Variants in CAD observed in about 807,000 individuals in gnomAD.
CAD encodes carbamoyl-phosphate synthetase 2, aspartate transcarbamylase, and dihydroorotase.
In CAD, 81 loss-of-function variants were observed where a neutral mutation model predicts 237.2. That is an observed-to-expected ratio of 0.34 (90% confidence interval 0.29 to 0.41). The LOEUF (loss-of-function observed/expected upper bound fraction) is 0.41. Among genes scored for constraint, CAD ranks in the 10% least tolerant of loss-of-function variants. The pLI is 1.00. For synonymous variants in CAD, 1,196 were observed against 1,162.8 expected (o/e 1.03, Z -0.58); for missense variants, 2,181 against 2,951.7 (o/e 0.74, Z 6.05).
In CAD at chr2:27,229,333, A is replaced by T. The variant is rs138053715; in HGVS notation, c.2288-2135A>T. 8.5e-5 allele frequency among the ~76,000 whole-genome samples: 13 copies of T among 152,074 alleles called. No individual in the cohort carries two copies. In the East Asian group the frequency reaches 2.5e-3, roughly 29 times the overall value. On this transcript the variant is annotated intron_variant, in intron 15 of 43. Coordinates refer to ENST00000264705, the MANE Select transcript of CAD (RefSeq NM_004341.5). ...ACCCAGGGTGGAGTGCAATGGTGTG[A>T]CTTAGCTCACTGCAGCTTGGATCTT...
intron 2 of CAD, among the ~76,000 whole-genome samples, chr2:27,219,670 A>G (rs1675058754): frequency 1.3e-5 from 2 of 150,796 alleles, no homozygotes; most frequent in South Asian, 2.1e-4. Context: ...GCTCACTGCA[A>G]CCTCCGCCTC....
chr2:27,222,801 G>T (rs78264879), intron 5 of CAD, 65 bp from the exon 6 acceptor site: 117 of 1,582,900 alleles, frequency 7.4e-5, no homozygotes, highest in African/African-American at 2.7e-4. Flanking sequence ...GGGCTGGGGG[G>T]GCTGCAGGTG....
rs753980659 is a variant in CAD, at chr2:27,224,765, G to A, written c.1275G>A (p.Glu425=). Residue 425 remains glutamate (E), a synonymous_variant, in exon 10 of 44, where the codon GAG becomes GAA. Coordinates refer to ENST00000264705, the MANE Select transcript of CAD (RefSeq NM_004341.5). ...TTTAGGCAATTAAGGCCCTGAAGGAGGAAAACATCCAGACGTTGCTGATCA... is the reference window on the plus strand; with the variant it reads ...TTTAGGCAATTAAGGCCCTGAAGGAAGAAAACATCCAGACGTTGCTGATCA... ...SGSQAIKALK[E]ENIQTLLINP... is the part of the protein sequence containing the mutation. The A allele has an allele frequency of 6.2e-7, 1 of 1,614,196 alleles. No homozygotes were observed. Among genetic ancestry groups the A allele is most frequent in the South Asian group, 1.1e-5 (1 of 91,076 alleles).
Position 27,234,538 on chromosome 2 carries a change from T to G in CAD, c.3639T>G (p.Ile1213Met). ...CCCAGGATGACCAGCTGAAAGTTAT[T>G]GAATGCAACGTACGTGTCTCTCGCT... ...LIAKDDQLKV[I>M]ECNVRVSRSF... The change falls in exon 23 of 44, where the codon ATT becomes ATG. Residue 1213 changes from isoleucine (I) to methionine (M), a missense_variant. Transcript: ENST00000264705. 6.2e-7 allele frequency: 1 copy of G among 1,613,980 alleles called. No individual in the cohort carries two copies. The highest frequency in any genetic ancestry group is 1.1e-5 in the South Asian group (1 of 91,066).
chr2:27,232,506 C>A lies in CAD; in HGVS notation c.2704C>A (p.Gln902Lys), dbSNP rs777839556. 5 of 1,614,214 alleles carry A rather than the reference C, an allele frequency of 3.1e-6. No homozygotes were observed. The South Asian group carries it at 5.5e-5, about 18-fold the overall frequency. ...QELGICPAVK[Q>K]IDTVAAEWPA... Reference sequence around the variant, plus strand: ...ACTGGGGATCTGTCCAGCAGTGAAACAGATTGACACAGTTGCAGCTGAGTG... The same window carrying A: ...ACTGGGGATCTGTCCAGCAGTGAAAAAGATTGACACAGTTGCAGCTGAGTG... Residue 902 changes from glutamine to lysine, a missense_variant, in exon 18 of 44, where the codon CAG becomes AAG. By Grantham distance (53) the Gln-to-Lys change is moderately conservative. This residue lies in a region of CAD where 385 missense variants were observed against 535.1 expected (regional missense o/e 0.72). Transcript: ENST00000264705. The surrounding 1 kb of genome is among the most constrained non-coding windows in gnomAD (Gnocchi z 4.1).
At position 27,226,118 on chromosome 2, in the gene CAD, C is replaced by T. The variant is rs1390607640; in HGVS notation, c.1843-13C>T. On this transcript the variant is annotated splice_polypyrimidine_tract_variant and intron_variant, in intron 12 of 43. Coordinates refer to ENST00000264705, the MANE Select transcript of CAD (RefSeq NM_004341.5). ...CTGCTTGGCAGTGACCTCCATGGCA[C>T]CCCCCTTCACAGGTGTGTAACATGG... is the stretch of plus-strand genomic sequence containing the variant. 2.5e-6 allele frequency: 4 copies of T among 1,611,076 alleles called. No individual in the cohort carries two copies. Among genetic ancestry groups the T allele is most frequent in the African/African-American group, 1.3e-5 (1 of 74,850 alleles).
chr2:27,239,428 G>A lies in CAD; in HGVS notation c.5351G>A (p.Arg1784His), dbSNP rs1375470542. The change falls in exon 33 of 44, where the codon CGC (arginine) becomes CAC (histidine). Residue 1784 changes from arginine (R) to histidine (H), a missense_variant. Arg to His is a conservative substitution (Grantham distance 29). Coordinates refer to ENST00000264705, the MANE Select transcript of CAD (RefSeq NM_004341.5). This position sits in a 1 kb window ranked among gnomAD's most constrained non-coding sequence, Gnocchi z 4.0. ...GGGCAGAAAGTGAAGGGCACCGTCC[G>A]CCGTGTGGTCCTGCGAGGGGAGGTT... ...FEGQKVKGTVRRVVLRGEVAY... is the reference protein window; with the variant it reads ...FEGQKVKGTVHRVVLRGEVAY... The A allele has an allele frequency of 1.2e-6, 2 of 1,614,028 alleles. No individual in the cohort carries two copies. The highest frequency in any genetic ancestry group is 1.7e-6 in the Non-Finnish European group (2 of 1,179,948).
At position 27,236,430 on chromosome 2, in the gene CAD, C is replaced by G. The variant is rs1676004283; in HGVS notation, c.4221C>G (p.Ser1407=). Residue 1407 remains serine, a synonymous_variant, in exon 26 of 44, where the codon TCC becomes TCG. Coordinates refer to ENST00000264705, the MANE Select transcript of CAD (RefSeq NM_004341.5). The surrounding 1 kb of genome is among the most constrained non-coding windows in gnomAD (Gnocchi z 4.1). ...MRGAGGRRLS[S]FVTKGYRTRR... The stretch of plus-strand genomic sequence containing the variant: ...GAGCTGGGGGCCGGCGTCTCTCTTC[C>G]TTTGTCACCAAGGGCTACCGCACCC... 2 of 1,614,188 alleles carry G rather than the reference C, an allele frequency of 1.2e-6. No homozygotes were observed. Among genetic ancestry groups the G allele is most frequent in the Non-Finnish European group, 1.7e-6 (2 of 1,180,044 alleles).
In CAD at chr2:27,236,496, T is replaced by C. The variant is rs10193746; in HGVS notation, c.4287T>C (p.Asp1429=). The C allele has an allele frequency of 0.024, 38,533 of 1,612,820 alleles. 2,607 individuals are homozygous for C. In the African/African-American group the frequency reaches 0.25, roughly 11 times the overall value. The part of the protein sequence containing the change: ...AADFSVPLII[D]IKCTKLFVEA... ...ACTTCTCCGTGCCCCTAATCATCGA[T>C]ATCAAGTGCACCAAACTCTTTGTGG... Residue 1429 remains aspartate (D), a synonymous_variant, in exon 26 of 44, where the codon GAT becomes GAC. Coordinates refer to ENST00000264705, the MANE Select transcript of CAD (RefSeq NM_004341.5). This position sits in a 1 kb window ranked among gnomAD's most constrained non-coding sequence, Gnocchi z 4.1.
rs1675986476 is a variant in CAD, at chr2:27,236,037, TTC to T, written c.4075-243_4075-242del. ...TTCTGATATTTTTCCTTCCAGGATT[TTC>T]TCTGTGTACATGTGTGTGAGCTCAT... On this transcript the variant is annotated intron_variant, in intron 25 of 43. Coordinates refer to ENST00000264705, the MANE Select transcript of CAD (RefSeq NM_004341.5). The surrounding 1 kb of genome is among the most constrained non-coding windows in gnomAD (Gnocchi z 4.1). Among the ~76,000 whole-genome samples the T allele has an allele frequency of 6.6e-6, 1 of 152,228 alleles. No individual in the cohort carries two copies. The highest frequency in any genetic ancestry group is 1.5e-5 in the Non-Finnish European group (1 of 68,036).
chr2:27,218,138 T>C, intron 2 of CAD, 122 bp downstream of exon 2: 1 of 827,742 alleles, frequency 1.2e-6, no homozygotes, highest in Non-Finnish European at 1.8e-6. Context: ...ACTGAAGTAG[T>C]AAAGTCAAGG....
chr2:27,231,644 C>T lies in CAD; in HGVS notation c.2400+64C>T, dbSNP rs1558536145. 14 of 981,482 alleles carry T rather than the reference C, an allele frequency of 1.4e-5. 1 individual carries two copies. Among genetic ancestry groups the T allele is most frequent in the Admixed American group, 6.0e-5 (3 of 50,194 alleles). The allele number at this position is 981,482 out of a possible 1,614,324, so 60.8% of individuals were successfully genotyped here. A position where few individuals can be genotyped will look rare whatever the true frequency, so the allele number is the denominator to read the frequency against. On this transcript the variant is annotated intron_variant, in intron 16 of 43. Coordinates refer to ENST00000264705, the MANE Select transcript of CAD (RefSeq NM_004341.5). ...GACCCTGCTTCTCATCGCCCCCAGA[C>T]CATGAGCTTGTTACCAGTAACACTA...
intron 15 of CAD, among the ~76,000 whole-genome samples, chr2:27,229,943 A>G (rs1675650109): frequency 6.6e-6 from 1 of 151,142 alleles, no homozygotes; most frequent in Admixed American, 6.6e-5. Flanking sequence ...ATCATACAAG[A>G]ATTAAGTTAG....
chr2:27,236,470 G>C lies in CAD; in HGVS notation c.4261G>C (p.Asp1421His). 1 of 1,613,828 alleles carries C rather than the reference G, an allele frequency of 6.2e-7. No homozygotes were observed. Among genetic ancestry groups the C allele is most frequent in the Non-Finnish European group, 8.5e-7 (1 of 1,180,034 alleles). ...CTACCGCACCCGACGCTTGGCCGCT[G>C]ACTTCTCCGTGCCCCTAATCATCGA... ...KGYRTRRLAA[D>H]FSVPLIIDIK... Residue 1421 changes from aspartate to histidine, a missense_variant, in exon 26 of 44, where the codon GAC becomes CAC. Around this residue, in one of 12 missense-constraint regions of CAD, gnomAD observed 306 missense variants for 607.9 expected, o/e 0.50. Transcript: ENST00000264705. The surrounding 1 kb of genome is among the most constrained non-coding windows in gnomAD (Gnocchi z 4.1).
Position 27,236,907 on chromosome 2 carries a change from G to C in CAD, c.4396+77G>C. ...GAGACCTGCAGTGTGGTGAAGGATG[G>C]CTGGGGGGCCCACTCTTTGTCCTGG... is the stretch of plus-strand genomic sequence containing the variant. On this transcript the variant is annotated intron_variant, in intron 27 of 43. Transcript: ENST00000264705. The surrounding 1 kb of genome is among the most constrained non-coding windows in gnomAD (Gnocchi z 4.1). The C allele has an allele frequency of 8.2e-7, 1 of 1,213,940 alleles. No individual in the cohort carries two copies. The highest frequency in any genetic ancestry group is 1.2e-6 in the Non-Finnish European group (1 of 814,936). The allele number at this position is 1,213,940 out of a possible 1,614,324, so 75.2% of individuals were successfully genotyped here.
In CAD at chr2:27,240,790, T is replaced by C; in HGVS notation, c.5594-121T>C. ...AGTCCCCTGCCCTCCCCTAACCTGC[T>C]ATATTACTGTGTTGTGAATTGGTTT... On this transcript the variant is annotated intron_variant, in intron 35 of 43. Transcript: ENST00000264705. The surrounding 1 kb of genome is among the most constrained non-coding windows in gnomAD (Gnocchi z 4.6). 1 of 1,231,786 alleles carries C rather than the reference T, an allele frequency of 8.1e-7. No individual in the cohort carries two copies. The highest frequency in any genetic ancestry group is 1.2e-6 in the Non-Finnish European group (1 of 857,698). The allele number at this position is 1,231,786 out of a possible 1,614,324, so 76.3% of individuals were successfully genotyped here.
chr2:27,236,235 C>G lies in CAD; in HGVS notation c.4075-49C>G. On this transcript the variant is annotated intron_variant, in intron 25 of 43. Transcript: ENST00000264705. This position sits in a 1 kb window ranked among gnomAD's most constrained non-coding sequence, Gnocchi z 4.1. Reference sequence around the variant, plus strand: ...CTCCTCTCCCTTAAGGCTAGCCTTCCTGACCGCTGCCAGACAGCTTGGCCC... The same window carrying G: ...CTCCTCTCCCTTAAGGCTAGCCTTCGTGACCGCTGCCAGACAGCTTGGCCC... 1 of 1,600,162 alleles carries G rather than the reference C, an allele frequency of 6.2e-7. No individual in the cohort carries two copies. The highest frequency in any genetic ancestry group is 8.5e-7 in the Non-Finnish European group (1 of 1,171,666).
At chr2:27,224,255 T>A in intron 8 of CAD, 90 bp from the exon 9 acceptor site, 2 of 1,435,396 alleles carry the variant, frequency 1.4e-6, no homozygotes, top group South Asian at 2.4e-5. Context: ...TAATTTGCTC[T>A]GGACTCTTCT....
chr2:27,240,596 C>T lies in CAD; in HGVS notation c.5593+235C>T, dbSNP rs1676269608. The T allele has an allele frequency of 6.5e-7, 1 of 1,545,160 alleles. No homozygotes were observed. The highest frequency in any genetic ancestry group is 8.7e-7 in the Non-Finnish European group (1 of 1,143,906). On this transcript the variant is annotated intron_variant, in intron 35 of 43. Coordinates refer to ENST00000264705, the MANE Select transcript of CAD (RefSeq NM_004341.5). The surrounding 1 kb of genome is among the most constrained non-coding windows in gnomAD (Gnocchi z 4.6). ...GTTCCTCCGCCCAGGAGCTGGGATC[C>T]CACGGGGCAGCAGAGCGTGGGGTAA...
Sources: allele counts gnomAD v4.1 joint callset (sites outside exome capture counted in the v4.1 genomes callset), GRCh38; gene constraint gnomAD v4.1.1; regional missense constraint gnomAD v4.1.1; non-coding constraint Gnocchi (gnomAD v3.1); transcripts MANE v1.5; gene names NCBI Gene and HGNC (gene_info 2026-07-23, HGNC 2026-07-21).